Variants in SEPTIN9 observed in about 807,000 individuals in gnomAD.
SEPTIN9 encodes the protein septin 9.
A neutral mutation model predicts 56.6 loss-of-function variants in SEPTIN9; 13 were observed. The observed-to-expected ratio is 0.23, with a 90% CI of 0.15 to 0.37. The LOEUF is 0.37. Among genes scored for constraint, SEPTIN9 ranks in the 10% least tolerant of loss-of-function variants. The pLI is 1.00. For synonymous variants in SEPTIN9, 332 were observed against 334.1 expected, an observed-to-expected ratio of 0.99 and a Z score of 0.07; for missense variants, 650 against 823.1, an observed-to-expected ratio of 0.79 and a Z score of 2.57.
intron 2 of SEPTIN9, among the ~76,000 whole-genome samples, chr17:77,315,004 G>A (rs2032644143): frequency 6.6e-6 from 1 of 152,236 alleles, no homozygotes; most frequent in African/African-American, 2.4e-5. Flanking sequence ...GTGAGAAGGG[G>A]TGGGGAAAGG....
Position 77,437,987 on chromosome 17 carries a change from G to A in SEPTIN9, c.721+35284G>A, listed in dbSNP as rs769167354. 2.6e-5 allele frequency among the ~76,000 whole-genome samples: 4 copies of A among 152,314 alleles called. No homozygotes were observed. The highest frequency in any genetic ancestry group is 1.9e-4 in the East Asian group (1 of 5,176). ...AAGGCGGCATCATCCGGGCCTCTCC[G>A]GTGGCCATGCATGGGTGAGCAGCCC... On this transcript the variant is annotated intron_variant, in intron 3 of 11. Coordinates refer to ENST00000427177, the MANE Select transcript of SEPTIN9 (RefSeq NM_001113491.2). The surrounding 1 kb of genome is among the most constrained non-coding windows in gnomAD (Gnocchi z 5.3).
rs1454928227 is a variant in SEPTIN9 at position 77,319,991 on chromosome 17, G to C, written c.76+12794G>C. On this transcript the variant is annotated intron_variant, in intron 2 of 11. Transcript: ENST00000427177. This position sits in a 1 kb window ranked among gnomAD's most constrained non-coding sequence, Gnocchi z 5.3. ...TCTGGGACTCTCGCAGGCAGACCCG[G>C]TGGTCTGCCGGACTCCTCGGGGCCC... 5.7e-6 allele frequency: 7 copies of C among 1,237,230 alleles called. No homozygotes were observed. Among genetic ancestry groups the C allele is most frequent in the Non-Finnish European group, 7.1e-6 (7 of 984,342 alleles). 76.6% of individuals were successfully genotyped at this position (1,237,230 alleles called of 1,614,324 possible). A position where few individuals can be genotyped will look rare whatever the true frequency, so the allele number is the denominator to read the frequency against.
chr17:77,351,317 A>G (rs1326686528), intron 2 of SEPTIN9, among the ~76,000 whole-genome samples: 2 of 152,024 alleles, frequency 1.3e-5, no homozygotes, highest in Non-Finnish European at 2.9e-5. Context: ...GCCTGGCAGG[A>G]AACCGGGTTC....
rs2032779949 is a variant in SEPTIN9, at chr17:77,318,332, C to T, written c.76+11135C>T. Among the ~76,000 whole-genome samples the T allele has an allele frequency of 6.6e-6, 1 of 152,070 alleles. No individual in the cohort carries two copies. The highest frequency in any genetic ancestry group is 6.6e-5 in the Admixed American group (1 of 15,260). On this transcript the variant is annotated intron_variant, in intron 2 of 11. Coordinates refer to ENST00000427177, the MANE Select transcript of SEPTIN9 (RefSeq NM_001113491.2). The surrounding 1 kb of genome is among the most constrained non-coding windows in gnomAD (Gnocchi z 4.9). ...CCATCCCTGTCTGTGTCAAATCTCC[C>T]TCTGCCCCCGTCTTGTATGAGCACC... is the stretch of plus-strand genomic sequence containing the variant.
At chr17:77,432,940 G>T (rs550632781) in intron 3 of SEPTIN9, among the ~76,000 whole-genome samples, 1 of 152,218 alleles carries the variant, frequency 6.6e-6, no homozygotes, top group African/African-American at 2.4e-5. Flanking sequence ...GCAGGGGACA[G>T]TTCAGGGCTG....
At chr17:77,454,690 G>C (rs970006677) in intron 3 of SEPTIN9, among the ~76,000 whole-genome samples, 1 of 152,142 alleles carries the variant, frequency 6.6e-6, no homozygotes, top group South Asian at 2.1e-4. Context: ...CAAACTCGCC[G>C]CCGCTCAGCC....
chr17:77,352,405 TCAAAAACAAAAACAAAAA>T (rs57563817), intron 2 of SEPTIN9, among the ~76,000 whole-genome samples: 7 of 147,432 alleles, frequency 4.7e-5, no homozygotes, highest in South Asian at 2.2e-4. Context: ...AGACTCCGTC[TCAAAAACAAAAACAAAAA>T]CAAAAACAAA....
intron 11 of SEPTIN9, chr17:77,497,620 A>C: frequency 1.7e-6 from 1 of 579,670 alleles, no homozygotes; most frequent in South Asian, 2.0e-5. Flanking sequence ...GCTTTGATCC[A>C]CTGTGGTCTG....
intron 2 of SEPTIN9, among the ~76,000 whole-genome samples, chr17:77,365,038 G>C (rs779315341): frequency 6.6e-6 from 1 of 152,202 alleles, no homozygotes; most frequent in Non-Finnish European, 1.5e-5. Flanking sequence ...CAGAAGAGAC[G>C]ATGTCCCCAG....
chr17:77,496,984 C>T (rs775592648), intron 10 of SEPTIN9: 3 of 422,566 alleles, frequency 7.1e-6, no homozygotes, highest in African/African-American at 2.0e-5. Flanking sequence ...GGGCCCACTG[C>T]CCTGGCTTCT....
At chr17:77,368,351 G>A (rs751444443) in intron 2 of SEPTIN9, among the ~76,000 whole-genome samples, 11 of 149,090 alleles carry the variant, frequency 7.4e-5, no homozygotes, top group East Asian at 5.9e-4. Flanking sequence ...TCGCTCTGTC[G>A]CCCAGGCTGG....
chr17:77,345,997 C>G (rs1386196359), intron 2 of SEPTIN9, among the ~76,000 whole-genome samples: 1 of 152,088 alleles, frequency 6.6e-6, no homozygotes, highest in Non-Finnish European at 1.5e-5. Context: ...GTTGCCCAGG[C>G]TGGAGTGCAG....
chr17:77,336,118 C>G (rs1186808898), intron 2 of SEPTIN9, among the ~76,000 whole-genome samples: 1 of 152,082 alleles, frequency 6.6e-6, no homozygotes, highest in Non-Finnish European at 1.5e-5. Context: ...ATATTTTGTC[C>G]ATTCCTTTGC....
At chr17:77,344,907 G>A (rs920590205) in intron 2 of SEPTIN9, among the ~76,000 whole-genome samples, 1 of 148,014 alleles carries the variant, frequency 6.8e-6, no homozygotes, top group African/African-American at 2.5e-5. Context: ...GGGAGGTGGA[G>A]GTTGCAGTGA....
intron 3 of SEPTIN9, among the ~76,000 whole-genome samples, chr17:77,470,078 T>TTCA (rs2038919953): frequency 6.7e-6 from 1 of 148,818 alleles, no homozygotes; most frequent in East Asian, 2.0e-4. Context: ...CATTCACCCA[T>TTCA]CTATCCATCC....
At position 77,313,065 on chromosome 17, in the gene SEPTIN9, C is replaced by T. The variant is rs2032566711; in HGVS notation, c.76+5868C>T. ...TATCCAGTGAACGGTTACTGGGCACCTACTGAGCAAGCAGGATGAAAGACA... is the reference window on the plus strand; with the variant it reads ...TATCCAGTGAACGGTTACTGGGCACTTACTGAGCAAGCAGGATGAAAGACA... On this transcript the variant is annotated intron_variant, in intron 2 of 11. Coordinates refer to ENST00000427177, the MANE Select transcript of SEPTIN9 (RefSeq NM_001113491.2). This position sits in a 1 kb window ranked among gnomAD's most constrained non-coding sequence, Gnocchi z 4.5. 3.3e-5 allele frequency among the ~76,000 whole-genome samples: 5 copies of T among 152,074 alleles called. No individual in the cohort carries two copies. In the South Asian group the frequency reaches 8.3e-4, roughly 25 times the overall value.
At chr17:77,350,613 G>GTGTGTGTGTGTT (rs2034027279) in intron 2 of SEPTIN9, among the ~76,000 whole-genome samples, 2 of 134,934 alleles carry the variant, frequency 1.5e-5, no homozygotes, top group Non-Finnish European at 3.2e-5. Flanking sequence ...CCAGTGCAGT[G>GTGTGTGTGTGTT]TGTGTGTGTG....
intron 2 of SEPTIN9, chr17:77,375,076 C>T (rs994333829): frequency 2.2e-5 from 3 of 136,464 alleles, no homozygotes; most frequent in Non-Finnish European, 4.7e-5. Flanking sequence ...ATCTGGACAT[C>T]TTTGGGCACA....
intron 2 of SEPTIN9, among the ~76,000 whole-genome samples, chr17:77,321,873 G>C (rs370375263): frequency 6.6e-6 from 1 of 152,246 alleles, no homozygotes; most frequent in Non-Finnish European, 1.5e-5. Flanking sequence ...CCGCTGGGAC[G>C]GGTGGGTGTG....
Sources: allele counts gnomAD v4.1 joint callset (sites outside exome capture counted in the v4.1 genomes callset), GRCh38; gene constraint gnomAD v4.1.1; non-coding constraint Gnocchi (gnomAD v3.1); transcripts MANE v1.5; gene names NCBI Gene and HGNC (gene_info 2026-07-23, HGNC 2026-07-21).